Variants in RABGAP1L observed in about 807,000 individuals in gnomAD.
The protein encoded by RABGAP1L is rab GTPase-activating protein 1-like.
A neutral mutation model predicts 137.7 loss-of-function variants in RABGAP1L; 63 were observed. The ratio of observed to expected loss-of-function variants is 0.46; its 90% CI spans 0.37 to 0.56. The LOEUF (loss-of-function observed/expected upper bound fraction) is 0.56. Among genes scored for constraint, RABGAP1L ranks in the 20% least tolerant of loss-of-function variants. The pLI is 0.00. For synonymous variants in RABGAP1L, 431 were observed against 433.7 expected (o/e 0.99, Z 0.08); for missense variants, 1,095 against 1,244.0 (o/e 0.88, Z 1.80).
At chr1:174,731,390 G>A (rs1682457808) in intron 17 of RABGAP1L, among the ~76,000 whole-genome samples, 1 of 152,142 alleles carries the variant, frequency 6.6e-6, no homozygotes, top group African/African-American at 2.4e-5. Context: ...ATCCTGTCTG[G>A]ATACTTGTCA....
At chr1:174,617,142 T>C (rs536491070) in intron 13 of RABGAP1L, among the ~76,000 whole-genome samples, 1 of 152,336 alleles carries the variant, frequency 6.6e-6, no homozygotes, top group African/African-American at 2.4e-5. Context: ...AATCCTCATT[T>C]CTGAATTGAT....
At chr1:174,358,895 G>A (rs772211243) in intron 11 of RABGAP1L, among the ~76,000 whole-genome samples, 3 of 152,072 alleles carry the variant, frequency 2.0e-5, no homozygotes, top group Non-Finnish European at 4.4e-5. Context: ...CTACTATCAC[G>A]AAGCTCATAG....
chr1:174,293,729 A>G (rs1264714821), intron 10 of RABGAP1L, among the ~76,000 whole-genome samples: 2 of 152,156 alleles, frequency 1.3e-5, no homozygotes, highest in Admixed American at 6.5e-5. Flanking sequence ...TATTCATTTT[A>G]GAAATGATTT....
At chr1:174,316,962 A>G (rs977866535) in intron 11 of RABGAP1L, among the ~76,000 whole-genome samples, 2 of 151,954 alleles carry the variant, frequency 1.3e-5, no homozygotes, top group African/African-American at 4.8e-5. Context: ...AGACTACCAT[A>G]ATATTCCTTT....
At chr1:174,518,134 G>A (rs1408910601) in intron 13 of RABGAP1L, among the ~76,000 whole-genome samples, 1 of 152,158 alleles carries the variant, frequency 6.6e-6, no homozygotes, top group African/African-American at 2.4e-5. Context: ...ACAATGCCAG[G>A]ACCTGAGATT....
chr1:174,824,016 G>A (rs1691312232), intron 19 of RABGAP1L, among the ~76,000 whole-genome samples: 2 of 152,070 alleles, frequency 1.3e-5, no homozygotes, highest in African/African-American at 2.4e-5. Context: ...TAGGCCAGGC[G>A]CAGTGGCTCA....
At chr1:174,221,224 T>C in intron 3 of RABGAP1L, 60 bp downstream of exon 3, 1 of 1,317,376 alleles carries the variant, frequency 7.6e-7, no homozygotes, top group Non-Finnish European at 1.0e-6. Context: ...AGTGAAAATT[T>C]TAAGATGAAA....
chr1:174,759,370 G>A (rs565645406), intron 18 of RABGAP1L, among the ~76,000 whole-genome samples: 37 of 151,676 alleles, frequency 2.4e-4, no homozygotes, highest in Middle Eastern at 3.4e-3. Context: ...CAAGGTGGGC[G>A]GATCACTGGA....
intron 19 of RABGAP1L, among the ~76,000 whole-genome samples, chr1:174,812,902 G>T (rs1165166156): frequency 6.6e-6 from 1 of 152,164 alleles, no homozygotes; most frequent in Non-Finnish European, 1.5e-5. Flanking sequence ...TCAATAGCCA[G>T]TTCAAAGGTC....
intron 19 of RABGAP1L, among the ~76,000 whole-genome samples, chr1:174,820,270 T>C (rs1690881115): frequency 6.6e-6 from 1 of 152,174 alleles, no homozygotes; most frequent in Non-Finnish European, 1.5e-5. Flanking sequence ...AGGGCAGTTG[T>C]GCTAATAAAC....
At chr1:174,535,325 G>T (rs1291614660) in intron 13 of RABGAP1L, among the ~76,000 whole-genome samples, 1 of 152,128 alleles carries the variant, frequency 6.6e-6, no homozygotes, top group African/African-American at 2.4e-5. Flanking sequence ...TCTAGACTGT[G>T]AGGATCTCTG....
intron 19 of RABGAP1L, among the ~76,000 whole-genome samples, chr1:174,906,152 G>C (rs151043512): frequency 6.6e-6 from 1 of 152,186 alleles, no homozygotes; most frequent in African/African-American, 2.4e-5. Flanking sequence ...TAAGTAGCTA[G>C]GACTGTAGGC....
chr1:174,563,733 T>C (rs1667376678), intron 13 of RABGAP1L, among the ~76,000 whole-genome samples: 1 of 152,150 alleles, frequency 6.6e-6, no homozygotes. Flanking sequence ...CTTAATTTGT[T>C]TCTTTCCCTA....
At chr1:174,875,046 T>C (rs1652858725) in intron 19 of RABGAP1L, among the ~76,000 whole-genome samples, 1 of 152,198 alleles carries the variant, frequency 6.6e-6, no homozygotes, top group African/African-American at 2.4e-5. Context: ...TGACATGTTA[T>C]TAATAATTCT....
At chr1:174,186,229 G>C (rs994341327) in intron 1 of RABGAP1L, among the ~76,000 whole-genome samples, 5 of 152,024 alleles carry the variant, frequency 3.3e-5, no homozygotes, top group African/African-American at 9.6e-5. Context: ...TTTGGGCGCT[G>C]ATGCTCACAC....
intron 11 of RABGAP1L, among the ~76,000 whole-genome samples, chr1:174,327,840 A>G (rs1019769264): frequency 6.6e-6 from 1 of 151,264 alleles, no homozygotes; most frequent in African/African-American, 2.4e-5. Flanking sequence ...GAAAGCAGAA[A>G]TTCCTATATT....
chr1:174,406,401 A>G (rs1649286452), intron 13 of RABGAP1L, among the ~76,000 whole-genome samples: 1 of 152,126 alleles, frequency 6.6e-6, no homozygotes, highest in South Asian at 2.1e-4. Flanking sequence ...TTTTAATATT[A>G]CCTTCATTTT....
intron 13 of RABGAP1L, among the ~76,000 whole-genome samples, chr1:174,610,405 A>G (rs898377078): frequency 6.6e-6 from 1 of 151,586 alleles, no homozygotes; most frequent in African/African-American, 2.4e-5. Context: ...TTATGGCTGC[A>G]TAGTATTCCA....
At chr1:174,886,876 G>A (rs776978461) in intron 19 of RABGAP1L, among the ~76,000 whole-genome samples, 5 of 150,476 alleles carry the variant, frequency 3.3e-5, no homozygotes, top group Non-Finnish European at 5.9e-5. Flanking sequence ...GCGCAATCTC[G>A]GCTTACTGTA....
Sources: gnomAD v4.1 joint callset for allele counts (sites outside exome capture counted in the v4.1 genomes callset) on GRCh38, gnomAD v4.1.1 for gene constraint, MANE v1.5 for transcripts, NCBI Gene and HGNC (gene_info 2026-07-23, HGNC 2026-07-21) for gene names.